GNAL: variants seen among roughly 807,000 people sequenced by gnomAD.
The protein encoded by GNAL is guanine nucleotide-binding protein G(olf) subunit alpha.
Under a neutral mutation model 55.1 loss-of-function variants are expected in GNAL, and 18 were observed. That is an observed-to-expected ratio of 0.33 (90% CI 0.23 to 0.48). The LOEUF (loss-of-function observed/expected upper bound fraction) is 0.48, where lower values mean the gene tolerates loss of function less well. Ranked by LOEUF, GNAL falls within the 20% of genes least tolerant of loss-of-function variation. The pLI, the probability that GNAL is intolerant of heterozygous loss-of-function variation, is 0.99. For missense variants in GNAL, 412 were observed against 614.1 expected (o/e 0.67, Z 3.48); for synonymous variants, 253 against 237.0 (o/e 1.07, Z -0.62).
At chr18:11,710,926 A>T (rs1057276079) in intron 1 of GNAL, among the ~76,000 whole-genome samples, 4 of 152,126 alleles carry the variant, frequency 2.6e-5, no homozygotes, top group Admixed American at 6.5e-5. Context: ...TCCAGGCTGG[A>T]GTGCAGTGGT....
At chr18:11,783,327 G>A (rs2033971608) in intron 4 of GNAL, among the ~76,000 whole-genome samples, 1 of 152,152 alleles carries the variant, frequency 6.6e-6, no homozygotes, top group South Asian at 2.1e-4. Context: ...CATGATAATG[G>A]TACTTACCTC....
At chr18:11,877,727 C>G (rs1246189249) in intron 11 of GNAL, among the ~76,000 whole-genome samples, 1 of 152,182 alleles carries the variant, frequency 6.6e-6, no homozygotes, top group African/African-American at 2.4e-5. Context: ...GGCCTTTCCA[C>G]GGGGACCGGC....
At chr18:11,780,880 G>A (rs1313104356) in intron 4 of GNAL, among the ~76,000 whole-genome samples, 4 of 152,150 alleles carry the variant, frequency 2.6e-5, no homozygotes, top group Admixed American at 2.6e-4. Flanking sequence ...AGAAGACTTT[G>A]ACTTACACAT....
At chr18:11,822,820 C>CTTTTTTTTTTTT (rs56128456) in intron 4 of GNAL, among the ~76,000 whole-genome samples, 43 of 139,660 alleles carry the variant, frequency 3.1e-4, no homozygotes, top group African/African-American at 8.6e-4. Context: ...TTTTTTTTTT[C>CTTTTTTTTTTTT]TTTTTTTTTT....
chr18:11,728,159 C>T (rs141912334), intron 1 of GNAL, among the ~76,000 whole-genome samples: 7 of 152,080 alleles, frequency 4.6e-5, no homozygotes, highest in East Asian at 1.9e-4. Flanking sequence ...GGCCACAGTG[C>T]GCTGTGATCA....
intron 5 of GNAL, among the ~76,000 whole-genome samples, chr18:11,858,677 G>T (rs1182224647): frequency 6.6e-6 from 1 of 152,032 alleles, no homozygotes; most frequent in African/African-American, 2.4e-5. Context: ...AAGAATTGGG[G>T]GCATATTCAC....
intron 4 of GNAL, among the ~76,000 whole-genome samples, chr18:11,771,339 G>A (rs1011783680): frequency 6.6e-6 from 1 of 151,844 alleles, no homozygotes; most frequent in Admixed American, 6.6e-5. Context: ...GGAAGTTAAT[G>A]TTAATGTTAA....
At chr18:11,785,366 G>T (rs375957719) in intron 4 of GNAL, among the ~76,000 whole-genome samples, 2 of 152,172 alleles carry the variant, frequency 1.3e-5, no homozygotes, top group Non-Finnish European at 2.9e-5. Context: ...GGGATGCTCC[G>T]TGGTAAGCCT....
At chr18:11,753,427 G>T in intron 2 of GNAL, 1 of 527,732 alleles carries the variant, frequency 1.9e-6, no homozygotes, top group Non-Finnish European at 3.4e-6. Context: ...GTGCATTCAA[G>T]TTTGTTTAGA....
chr18:11,822,862 C>G (rs1315489394), intron 4 of GNAL, among the ~76,000 whole-genome samples: 3 of 144,822 alleles, frequency 2.1e-5, no homozygotes, highest in African/African-American at 7.9e-5. Context: ...ATTAATTACT[C>G]CAGTCTTGGT....
At chr18:11,769,216 G>A (rs899029981) in intron 4 of GNAL, among the ~76,000 whole-genome samples, 15 of 143,124 alleles carry the variant, frequency 1.0e-4, no homozygotes, top group Middle Eastern at 3.3e-3. Flanking sequence ...TATATAATGT[G>A]TAATATAAAA....
chr18:11,876,541 T>G, intron 10 of GNAL, 80 bp from the exon 11 acceptor site: 1 of 878,508 alleles, frequency 1.1e-6, no homozygotes, highest in Non-Finnish European at 2.0e-6. Flanking sequence ...AGTCTAACGT[T>G]GAAATTCCTT....
intron 1 of GNAL, among the ~76,000 whole-genome samples, chr18:11,740,688 A>T (rs534646315): frequency 4.6e-5 from 7 of 152,256 alleles, no homozygotes; most frequent in Non-Finnish European, 1.0e-4. Flanking sequence ...ACAACATAAC[A>T]CATTTCTTCA....
Position 11,788,897 on chromosome 18 carries a change from G to GAAAAAAA in GNAL, c.624+34964_624+34970dup, listed in dbSNP as rs1162398867. 2.0e-3 allele frequency among the ~76,000 whole-genome samples: 164 copies of GAAAAAAA among 82,500 alleles called. 3 individuals carry two copies. The highest frequency in any genetic ancestry group is 6.9e-3 in the African/African-American group (92 of 13,320). 54.1% of individuals were successfully genotyped at this position (82,500 alleles called of 152,430 possible). ...AGGAGACAGAGCAAGACTCCGTCTC[G>GAAAAAAA]AAAAAAAAAAAAAAAAAATATATAT... On this transcript the variant is annotated intron_variant, in intron 4 of 11. Transcript: ENST00000334049.
At chr18:11,851,064 C>CT (rs1459390200) in intron 5 of GNAL, among the ~76,000 whole-genome samples, 1 of 152,248 alleles carries the variant, frequency 6.6e-6, no homozygotes, top group Admixed American at 6.5e-5. Context: ...GCCAGTCACC[C>CT]TTTATAAAGC....
At position 11,884,736 on chromosome 18, in the gene GNAL, G is replaced by T; in HGVS notation, c.*3601G>T. 1 of 1,347,366 alleles carries T rather than the reference G, an allele frequency of 7.4e-7. No homozygotes were observed. The highest frequency in any genetic ancestry group is 1.0e-6 in the Non-Finnish European group (1 of 986,390). The allele number at this position is 1,347,366 out of a possible 1,614,324, so 83.5% of individuals were successfully genotyped here. Reference sequence around the variant, plus strand: ...GCCTTCTCAGGTCCCCCTCAGGTGAGGCAGGGAACGGGCCCTCCTCACCTG... The same window carrying T: ...GCCTTCTCAGGTCCCCCTCAGGTGATGCAGGGAACGGGCCCTCCTCACCTG... On this transcript the variant is annotated 3_prime_UTR_variant, in exon 12 of 12. Transcript: ENST00000334049.
At chr18:11,700,567 A>G (rs2031542936) in intron 1 of GNAL, among the ~76,000 whole-genome samples, 1 of 152,220 alleles carries the variant, frequency 6.6e-6, no homozygotes, top group African/African-American at 2.4e-5. Context: ...CAAAATCTTC[A>G]AGGGTTAGAC....
intron 1 of GNAL, among the ~76,000 whole-genome samples, chr18:11,722,532 C>T (rs2032118784): frequency 6.6e-6 from 1 of 152,126 alleles, no homozygotes; most frequent in Admixed American, 6.6e-5. Flanking sequence ...GCTCTAAGTC[C>T]ACTTGTTGTT....
At chr18:11,838,665 A>G (rs775910968) in intron 5 of GNAL, among the ~76,000 whole-genome samples, 3 of 152,186 alleles carry the variant, frequency 2.0e-5, no homozygotes, top group Non-Finnish European at 4.4e-5. Flanking sequence ...GGTAAGATGC[A>G]TTATGTTTCA....
Sources: allele counts gnomAD v4.1 joint callset (sites outside exome capture counted in the v4.1 genomes callset), GRCh38; gene constraint gnomAD v4.1.1; transcripts MANE v1.5; gene names NCBI Gene and HGNC (gene_info 2026-07-23, HGNC 2026-07-21).